The following PTPRD variants were observed in gnomAD, a reference collection of about 807,000 sequenced individuals.
The protein encoded by PTPRD is protein tyrosine phosphatase receptor type D, also known as receptor-type tyrosine-protein phosphatase delta.
In PTPRD, 34 loss-of-function variants were observed where a neutral mutation model predicts 214.5. The observed-to-expected ratio is 0.16, with a 90% CI of 0.12 to 0.21. The LOEUF is 0.21. Among genes scored for constraint, PTPRD ranks in the 10% least tolerant of loss-of-function variants. PTPRD has a pLI of 1.00. For missense variants in PTPRD, 2,545 were observed against 2,398.7 expected, an observed-to-expected ratio of 1.06 and a Z score of -1.27; for synonymous variants, 1,128 against 845.7, an observed-to-expected ratio of 1.33 and a Z score of -5.79.
intron 6 of PTPRD, among the ~76,000 whole-genome samples, chr9:9,751,099 C>T (rs1376186848): frequency 6.6e-6 from 1 of 152,150 alleles, no homozygotes; most frequent in East Asian, 1.9e-4. Flanking sequence ...TAAACATGCA[C>T]ACTCTTATCC....
chr9:8,635,845 A>G (rs1036192221), intron 13 of PTPRD, among the ~76,000 whole-genome samples: 5 of 152,054 alleles, frequency 3.3e-5, no homozygotes, highest in Admixed American at 2.6e-4. Flanking sequence ...TAATCTGTGT[A>G]GCTTTCTATA....
intron 12 of PTPRD, among the ~76,000 whole-genome samples, chr9:8,638,502 A>C (rs947061758): frequency 6.6e-6 from 1 of 152,242 alleles, no homozygotes; most frequent in Non-Finnish European, 1.5e-5. Flanking sequence ...ATTTACAAAA[A>C]TTGCAAAACT....
At chr9:10,595,299 AAG>A (rs1335733009) in intron 2 of PTPRD, among the ~76,000 whole-genome samples, 7 of 151,940 alleles carry the variant, frequency 4.6e-5, no homozygotes, top group Non-Finnish European at 8.8e-5. Flanking sequence ...TAAAAATAAA[AAG>A]AGATGAACTA....
At chr9:8,736,651 G>C (rs1005876730) in intron 11 of PTPRD, among the ~76,000 whole-genome samples, 3 of 150,690 alleles carry the variant, frequency 2.0e-5, no homozygotes, top group South Asian at 2.1e-4. Flanking sequence ...ATGCAGGAAA[G>C]ATAAAACTAA....
chr9:9,093,265 T>A (rs1047755810), intron 10 of PTPRD, among the ~76,000 whole-genome samples: 1 of 151,996 alleles, frequency 6.6e-6, no homozygotes, highest in Admixed American at 6.6e-5. Context: ...GCTCAGCAAT[T>A]GATAAAACAA....
rs905822215 is a variant in PTPRD, at chr9:8,494,660, T to C, written c.2350-1681A>G. Among the ~76,000 whole-genome samples the C allele has an allele frequency of 8.5e-5, 13 of 152,350 alleles. No homozygotes were observed. In the South Asian group the frequency reaches 1.7e-3, roughly 19 times the overall value. On this transcript the variant is annotated intron_variant, in intron 26 of 45. Coordinates refer to ENST00000381196, the MANE Select transcript of PTPRD (RefSeq NM_002839.4). Reference sequence around the variant, plus strand: ...AAGAAATTATGCACTCTGAGACTTATATGTTTCTTATCATGAAATTGGAGT... The same window carrying C: ...AAGAAATTATGCACTCTGAGACTTACATGTTTCTTATCATGAAATTGGAGT...
intron 4 of PTPRD, among the ~76,000 whole-genome samples, chr9:9,985,189 C>T (rs1027129659): frequency 1.3e-5 from 2 of 152,150 alleles, no homozygotes; most frequent in Admixed American, 1.3e-4. Context: ...AAGGTCTGAA[C>T]CCCAGCCTTG....
Position 10,093,830 on chromosome 9 carries a change from C to A in PTPRD, c.-544-60040G>T, listed in dbSNP as rs193143329. On this transcript the variant is annotated intron_variant, in intron 3 of 45. Transcript: ENST00000381196. ...GACCATTACCATAAGCAAATTAATG[C>A]AGCAACAGAAAAATAAATACTGCAT... Among the ~76,000 whole-genome samples the A allele has an allele frequency of 2.0e-5, 3 of 151,504 alleles. No homozygotes were observed. In the Admixed American group the frequency reaches 2.0e-4, roughly 10 times the overall value.
At chr9:8,812,492 A>G (rs543157990) in intron 11 of PTPRD, among the ~76,000 whole-genome samples, 3 of 152,330 alleles carry the variant, frequency 2.0e-5, no homozygotes, top group African/African-American at 7.2e-5. Context: ...AAAGGGAGAA[A>G]TAATTTCCGT....
chr9:9,612,451 A>ACCTGTTGT (rs1197264575), intron 7 of PTPRD, among the ~76,000 whole-genome samples: 5 of 152,150 alleles, frequency 3.3e-5, no homozygotes, highest in Non-Finnish European at 5.9e-5. Flanking sequence ...TGCAGTTTGC[A>ACCTGTTGT]CCTGTTGTTT....
chr9:9,901,360 A>G (rs979168371), intron 5 of PTPRD, among the ~76,000 whole-genome samples: 2 of 152,206 alleles, frequency 1.3e-5, no homozygotes, highest in Non-Finnish European at 2.9e-5. Flanking sequence ...TAAAACCTAG[A>G]GGCAACATGT....
intron 3 of PTPRD, among the ~76,000 whole-genome samples, chr9:10,250,181 C>G (rs2092639027): frequency 6.6e-6 from 1 of 152,026 alleles, no homozygotes; most frequent in South Asian, 2.1e-4. Flanking sequence ...AAAGCATTAA[C>G]TTTAGGAGGC....
At chr9:10,512,253 G>A (rs1161674573) in intron 2 of PTPRD, among the ~76,000 whole-genome samples, 1 of 151,806 alleles carries the variant, frequency 6.6e-6, no homozygotes, top group Non-Finnish European at 1.5e-5. Flanking sequence ...TACTGATAGA[G>A]TAAGTAATGA....
chr9:9,170,301 G>T (rs1205175634), intron 10 of PTPRD, among the ~76,000 whole-genome samples: 1 of 152,106 alleles, frequency 6.6e-6, no homozygotes, highest in Admixed American at 6.6e-5. Context: ...CACTGTGATG[G>T]GTAAGGTTCT....
intron 10 of PTPRD, among the ~76,000 whole-genome samples, chr9:9,035,190 T>C (rs1016816629): frequency 6.6e-6 from 1 of 152,132 alleles, no homozygotes; most frequent in East Asian, 1.9e-4. Context: ...AAAAAAGAAA[T>C]CTTTGCCTAG....
intron 4 of PTPRD, among the ~76,000 whole-genome samples, chr9:10,022,858 T>G (rs1261759268): frequency 1.3e-5 from 2 of 152,188 alleles, no homozygotes; most frequent in African/African-American, 4.8e-5. Context: ...ATAGAGCAGA[T>G]AGCCCATTGA....
chr9:9,985,177 A>G (rs1240581380), intron 4 of PTPRD, among the ~76,000 whole-genome samples: 1 of 152,338 alleles, frequency 6.6e-6, no homozygotes, highest in East Asian at 1.9e-4. Context: ...GTCTTCTCCA[A>G]TAAGGTCTGA....
chr9:10,090,598 C>G (rs941484115), intron 3 of PTPRD, among the ~76,000 whole-genome samples: 6 of 140,954 alleles, frequency 4.3e-5, no homozygotes, highest in African/African-American at 1.6e-4. Flanking sequence ...AAAATACTCA[C>G]TTGCAGCCCA....
intron 2 of PTPRD, among the ~76,000 whole-genome samples, chr9:10,428,761 A>G (rs1348740040): frequency 2.6e-5 from 4 of 152,108 alleles, no homozygotes; most frequent in Non-Finnish European, 5.9e-5. Flanking sequence ...TTTTGGAATA[A>G]TGAGTGACTG....
Sources: allele counts gnomAD v4.1 joint callset (sites outside exome capture counted in the v4.1 genomes callset), GRCh38; gene constraint gnomAD v4.1.1; transcripts MANE v1.5; gene names NCBI Gene and HGNC (gene_info 2026-07-23, HGNC 2026-07-21).